PTPRD: variants seen among roughly 807,000 people sequenced by gnomAD.
PTPRD encodes receptor-type tyrosine-protein phosphatase delta.
Under a neutral mutation model 214.5 loss-of-function variants are expected in PTPRD, and 34 were observed. The ratio of observed to expected loss-of-function variants is 0.16; its 90% CI spans 0.12 to 0.21. The LOEUF (loss-of-function observed/expected upper bound fraction) is 0.21. Ranked by LOEUF, PTPRD falls within the 10% of genes least tolerant of loss-of-function variation. PTPRD has a pLI of 1.00. For synonymous variants in PTPRD, 1,128 were observed against 845.7 expected, an observed-to-expected ratio of 1.33 and a Z score of -5.79; for missense variants, 2,545 against 2,398.7, an observed-to-expected ratio of 1.06 and a Z score of -1.27.
chr9:9,605,998 T>C (rs551297505), intron 7 of PTPRD, among the ~76,000 whole-genome samples: 4 of 152,170 alleles, frequency 2.6e-5, no homozygotes, highest in African/African-American at 9.6e-5. Flanking sequence ...TCTGTTATTA[T>C]ATTAACATCT....
At chr9:8,610,557 T>A (rs1383809178) in intron 14 of PTPRD, among the ~76,000 whole-genome samples, 1 of 152,190 alleles carries the variant, frequency 6.6e-6, no homozygotes, top group African/African-American at 2.4e-5. Context: ...AAATGAAAAC[T>A]TAAACCATTC....
At position 9,000,853 on chromosome 9, in the gene PTPRD, AAC is replaced by A. The variant is rs1459942039; in HGVS notation, c.-104+17842_-104+17843del. Among the ~76,000 whole-genome samples, 9 of 152,098 alleles carry A rather than the reference AAC, an allele frequency of 5.9e-5. No individual in the cohort carries two copies. In the South Asian group the frequency reaches 1.9e-3, roughly 32 times the overall value. Reference sequence around the variant, plus strand: ...AAAGGTGATGGATTCACAAAAAACAAACCACAAGAAATAACCAGGTGGATTTT... The same window carrying A: ...AAAGGTGATGGATTCACAAAAAACAACACAAGAAATAACCAGGTGGATTTT... On this transcript the variant is annotated intron_variant, in intron 11 of 45. Coordinates refer to ENST00000381196, the MANE Select transcript of PTPRD (RefSeq NM_002839.4).
chr9:9,680,228 T>A (rs1347740498), intron 7 of PTPRD, among the ~76,000 whole-genome samples: 1 of 151,848 alleles, frequency 6.6e-6, no homozygotes, highest in Non-Finnish European at 1.5e-5. Flanking sequence ...AAAGCCTTTA[T>A]CTTTGGTAAT....
intron 9 of PTPRD, among the ~76,000 whole-genome samples, chr9:9,264,898 G>GA (rs34152157): frequency 0.054 from 7,563 of 141,332 alleles, 268 homozygotes; most frequent in South Asian, 0.094. Context: ...AGTGATGAAA[G>GA]AAAAAAAAAA....
intron 43 of PTPRD, among the ~76,000 whole-genome samples, chr9:8,338,575 A>C (rs530478910): frequency 2.8e-4 from 42 of 152,094 alleles, no homozygotes; most frequent in Non-Finnish European, 4.0e-4. Context: ...AGTAATGAAG[A>C]AGTCAAAAAA....
At chr9:8,579,377 C>G (rs553729204) in intron 14 of PTPRD, among the ~76,000 whole-genome samples, 275 of 152,228 alleles carry the variant, frequency 1.8e-3, no homozygotes, top group Non-Finnish European at 3.1e-3. Context: ...AGTTTTAAAA[C>G]TGGAACTTTG....
intron 45 of PTPRD, among the ~76,000 whole-genome samples, chr9:8,318,992 C>CCTAT (rs1052416919): frequency 1.4e-4 from 21 of 152,024 alleles, no homozygotes; most frequent in African/African-American, 4.6e-4. Context: ...TGTTTACTTT[C>CCTAT]CTATCTTGTC....
At chr9:9,211,511 GCACGCA>G (rs1429554935) in intron 9 of PTPRD, among the ~76,000 whole-genome samples, 1 of 107,846 alleles carries the variant, frequency 9.3e-6, no homozygotes, top group Non-Finnish European at 2.0e-5. Flanking sequence ...CCCAGTGTGC[GCACGCA>G]CACACACACA....
At chr9:9,244,543 T>A (rs1419391642) in intron 9 of PTPRD, among the ~76,000 whole-genome samples, 1 of 152,186 alleles carries the variant, frequency 6.6e-6, no homozygotes, top group Non-Finnish European at 1.5e-5. Context: ...GGGAAAGGAT[T>A]CCCTATTTAA....
At chr9:8,706,871 C>T (rs2098220913) in intron 12 of PTPRD, among the ~76,000 whole-genome samples, 1 of 152,148 alleles carries the variant, frequency 6.6e-6, no homozygotes, top group Admixed American at 6.5e-5. Flanking sequence ...ACAGCAATGT[C>T]CACAGGTTAG....
intron 9 of PTPRD, among the ~76,000 whole-genome samples, chr9:9,397,105 G>C (rs539685663): frequency 6.6e-6 from 1 of 151,950 alleles, no homozygotes; most frequent in Non-Finnish European, 1.5e-5. Context: ...TATCCACTGG[G>C]TATTCTGCTA....
At chr9:9,940,137 G>C (rs931825040) in intron 4 of PTPRD, among the ~76,000 whole-genome samples, 1 of 152,150 alleles carries the variant, frequency 6.6e-6, no homozygotes, top group African/African-American at 2.4e-5. Flanking sequence ...CTCTAGACTT[G>C]CAGGGATGAG....
In PTPRD at chr9:10,548,466, G is replaced by T. The variant is rs1590637014; in HGVS notation, c.-600+63932C>A. 2.0e-5 allele frequency among the ~76,000 whole-genome samples: 3 copies of T among 151,966 alleles called. No individual in the cohort carries two copies. In the East Asian group the frequency reaches 5.8e-4, roughly 29 times the overall value. On this transcript the variant is annotated intron_variant, in intron 2 of 45. Transcript: ENST00000381196. ...ATAGGAGCTTAAGTACTTGAAAATG[G>T]GAACCCAAGGGGCTCAGCCACCACC...
intron 11 of PTPRD, chr9:8,857,824 G>A (rs1566658830): frequency 1.3e-5 from 2 of 154,770 alleles, no homozygotes; most frequent in Non-Finnish European, 2.8e-5. Flanking sequence ...CCCTCGTGCG[G>A]CCAGCCCAGT....
intron 7 of PTPRD, among the ~76,000 whole-genome samples, chr9:9,641,081 G>A (rs1047907229): frequency 1.1e-5 from 1 of 90,936 alleles, no homozygotes; most frequent in Non-Finnish European, 3.2e-5. Flanking sequence ...AATAATGAAA[G>A]CTATAGCTTT....
In PTPRD at chr9:10,293,120, C is replaced by A. The variant is rs534859059; in HGVS notation, c.-545+47843G>T. On this transcript the variant is annotated intron_variant, in intron 3 of 45. Coordinates refer to ENST00000381196, the MANE Select transcript of PTPRD (RefSeq NM_002839.4). ...TTTCAGTAGTATAACCAGGATCATG[C>A]AGATAATGGCTAATACAGAATTTCA... is the stretch of plus-strand genomic sequence containing the variant. 5.1e-4 allele frequency among the ~76,000 whole-genome samples: 78 copies of A among 151,980 alleles called. 1 individual carries two copies. Among genetic ancestry groups the A allele is most frequent in the African/African-American group, 1.8e-3 (74 of 41,532 alleles).
intron 7 of PTPRD, among the ~76,000 whole-genome samples, chr9:9,648,824 C>T (rs1238735157): frequency 6.6e-6 from 1 of 151,864 alleles, no homozygotes; most frequent in East Asian, 1.9e-4. Context: ...GTTTAATGGC[C>T]CACACTCTCA....
chr9:10,081,521 T>C (rs2098237283), intron 3 of PTPRD, among the ~76,000 whole-genome samples: 1 of 152,060 alleles, frequency 6.6e-6, no homozygotes, highest in South Asian at 2.1e-4. Context: ...GTTCTCTTGC[T>C]GTCTTTCTAC....
intron 34 of PTPRD, among the ~76,000 whole-genome samples, chr9:8,441,023 A>G (rs72692911): frequency 0.27 from 40,304 of 152,088 alleles, 6,224 homozygotes; most frequent in East Asian, 0.4. Flanking sequence ...GATCTTCTAA[A>G]TGAAGTGGGG....
Sources: allele counts gnomAD v4.1 joint callset (sites outside exome capture counted in the v4.1 genomes callset), GRCh38; gene constraint gnomAD v4.1.1; transcripts MANE v1.5; gene names NCBI Gene and HGNC (gene_info 2026-07-23, HGNC 2026-07-21).